AGBL1: variants seen among roughly 807,000 people sequenced by gnomAD.
AGBL1 encodes AGBL carboxypeptidase 1.
Under a neutral mutation model 118.9 loss-of-function variants are expected in AGBL1, and 130 were observed. That is an observed-to-expected ratio of 1.09 (90% CI 0.95 to 1.26). The LOEUF is 1.26. Among genes scored for constraint, AGBL1 ranks in the 50% most tolerant of loss-of-function variants. AGBL1 has a pLI of 0.00. For synonymous variants in AGBL1, 555 were observed against 478.9 expected (o/e 1.16, Z -2.08); for missense variants, 1,584 against 1,298.1 (o/e 1.22, Z -3.38).
intron 19 of AGBL1, among the ~76,000 whole-genome samples, chr15:86,527,200 CAG>C (rs927314818): frequency 6.6e-6 from 1 of 152,134 alleles, no homozygotes; most frequent in Non-Finnish European, 1.5e-5. Context: ...AGAGGAGAGA[CAG>C]AGAGTGGGAC....
chr15:86,834,403 A>G (rs1239527936), intron 22 of AGBL1, among the ~76,000 whole-genome samples: 1 of 152,158 alleles, frequency 6.6e-6, no homozygotes, highest in Non-Finnish European at 1.5e-5. Context: ...CAGGGAATTT[A>G]ACCTGTTTCA....
chr15:86,437,791 G>A (rs952663809), intron 18 of AGBL1, among the ~76,000 whole-genome samples: 2 of 152,040 alleles, frequency 1.3e-5, no homozygotes, highest in Admixed American at 1.3e-4. Flanking sequence ...GGCGTGTAGA[G>A]TGGATGAGCT....
chr15:86,264,270 A>T lies in AGBL1; in HGVS notation c.1099A>T (p.Lys367Ter). 1 of 1,596,850 alleles carries T rather than the reference A, an allele frequency of 6.3e-7. No individual in the cohort carries two copies. The highest frequency in any genetic ancestry group is 8.5e-7 in the Non-Finnish European group (1 of 1,171,774). ...TTTGAACCTGAAGGAACTGCAGTCCAAACTTGGAGATGATTTGAACTCTGA... is the reference window on the plus strand; with the variant it reads ...TTTGAACCTGAAGGAACTGCAGTCCTAACTTGGAGATGATTTGAACTCTGA... ...LSYSFEELQSKLGDDLNSEKT... is the reference protein window; with the variant it reads ...LSYSFEELQS The change falls in exon 11 of 23, where the codon AAA becomes TAA. Residue 367 changes from lysine to a stop codon, truncating the protein, a stop_gained. Coordinates refer to ENST00000614907, the MANE Select transcript of AGBL1 (RefSeq NM_001386094.1). LOFTEE classifies it high-confidence loss of function.
chr15:86,291,991 C>T (rs894860473), intron 16 of AGBL1, among the ~76,000 whole-genome samples: 2 of 152,168 alleles, frequency 1.3e-5, no homozygotes, highest in Non-Finnish European at 2.9e-5. Flanking sequence ...AGTGTTGTGT[C>T]AAATCCTGGC....
At chr15:86,886,912 CT>C (rs1462819757) in intron 22 of AGBL1, among the ~76,000 whole-genome samples, 1 of 152,084 alleles carries the variant, frequency 6.6e-6, no homozygotes, top group Non-Finnish European at 1.5e-5. Flanking sequence ...TTGGAAGCTC[CT>C]TTCTCTCGCC....
At chr15:86,475,764 C>A (rs1018585243) in intron 18 of AGBL1, among the ~76,000 whole-genome samples, 2 of 152,124 alleles carry the variant, frequency 1.3e-5, no homozygotes, top group Non-Finnish European at 2.9e-5. Flanking sequence ...CTTCAAGACA[C>A]ATAATTGTCA....
chr15:86,905,218 G>T (rs780569088), intron 22 of AGBL1, among the ~76,000 whole-genome samples: 1 of 152,126 alleles, frequency 6.6e-6, no homozygotes, highest in African/African-American at 2.4e-5. Flanking sequence ...CTTGATGCGC[G>T]GGAGAACTGC....
chr15:86,158,895 A>G (rs766442635), intron 4 of AGBL1, 38 bp from the exon 5 acceptor site: 1 of 1,586,432 alleles, frequency 6.3e-7, no homozygotes, highest in Non-Finnish European at 8.7e-7. Flanking sequence ...TAACTCATCC[A>G]CTTGTGACCA....
intron 22 of AGBL1, among the ~76,000 whole-genome samples, chr15:86,874,976 G>A (rs148725235): frequency 1.8e-3 from 272 of 151,852 alleles, no homozygotes; most frequent in African/African-American, 6.3e-3. Flanking sequence ...GTGCCCTTAG[G>A]GACCTGACAA....
rs145137996 is a variant in AGBL1 at position 86,762,183 on chromosome 15, A to G, written c.3158+87747A>G. On this transcript the variant is annotated intron_variant, in intron 22 of 22. Transcript: ENST00000614907. ...AGCTGAACAATGAGAACACATAGAC[A>G]CAAGGAGGGGAACATCACACAGTGG... Among the ~76,000 whole-genome samples the G allele has an allele frequency of 8.3e-4, 126 of 152,158 alleles. 3 individuals are homozygous for G. In the East Asian group the frequency reaches 0.016, roughly 20 times the overall value.
At position 86,687,278 on chromosome 15, in the gene AGBL1, T is replaced by A. The variant is rs539729461; in HGVS notation, c.3158+12842T>A. On this transcript the variant is annotated intron_variant, in intron 22 of 22. Coordinates refer to ENST00000614907, the MANE Select transcript of AGBL1 (RefSeq NM_001386094.1). ...AAGACACTCTTGTCAGGCACCTCTG[T>A]CTGCAAAGTCGGCTGGAGAACTTCT... 2.2e-3 allele frequency among the ~76,000 whole-genome samples: 333 copies of A among 152,242 alleles called. 1 individual carries two copies. The highest frequency in any genetic ancestry group is 5.4e-3 in the African/African-American group (224 of 41,574).
intron 1 of AGBL1, among the ~76,000 whole-genome samples, chr15:86,104,863 C>A (rs979674701): frequency 6.6e-6 from 1 of 152,084 alleles, no homozygotes; most frequent in Non-Finnish European, 1.5e-5. Context: ...TAGGTAGCTA[C>A]CTATGTTAGT....
chr15:86,988,922 G>A (rs1237864298), intron 24 of AGBL1, among the ~76,000 whole-genome samples: 1 of 150,494 alleles, frequency 6.6e-6, no homozygotes, highest in Admixed American at 6.6e-5. Context: ...TGAATGGCTA[G>A]GACTTTGAAT....
rs1253292648 is a variant in AGBL1, at chr15:86,258,040, A to C, written c.969+9A>C. On this transcript the variant is annotated intron_variant, in intron 9 of 22. Coordinates refer to ENST00000614907, the MANE Select transcript of AGBL1 (RefSeq NM_001386094.1). ...AAGATGGGAAAGTGGAAGTAGGTAC[A>C]CCAGCCCATGCTTCTAATGATGTCC... 6.2e-7 allele frequency: 1 copy of C among 1,612,826 alleles called. No individual in the cohort carries two copies. Among genetic ancestry groups the C allele is most frequent in the East Asian group, 2.2e-5 (1 of 44,834 alleles).
At chr15:86,490,787 A>G (rs2082768106) in intron 18 of AGBL1, among the ~76,000 whole-genome samples, 2 of 151,808 alleles carry the variant, frequency 1.3e-5, no homozygotes. Context: ...CTGCTGTATT[A>G]AAACAACATA....
At position 86,132,830 on chromosome 15, in the gene AGBL1, C is replaced by T. The variant is rs552712337; in HGVS notation, c.52-9174C>T. Among the ~76,000 whole-genome samples the T allele has an allele frequency of 1.8e-4, 27 of 152,232 alleles. No homozygotes were observed. In the South Asian group the frequency reaches 5.6e-3, roughly 32 times the overall value. ...GAGATGTTTTGTTTATTTTTTTTCT[C>T]TCTCCTTAAGAGTATTCTGCTAAAT... On this transcript the variant is annotated intron_variant, in intron 1 of 22. Transcript: ENST00000614907.
At chr15:86,364,390 G>A (rs2080848652) in intron 17 of AGBL1, among the ~76,000 whole-genome samples, 1 of 152,188 alleles carries the variant, frequency 6.6e-6, no homozygotes, top group Admixed American at 6.5e-5. Flanking sequence ...TATAGTCAGA[G>A]AGTTAGTAAG....
At chr15:86,352,998 G>T (rs7495793) in intron 17 of AGBL1, among the ~76,000 whole-genome samples, 1 of 152,076 alleles carries the variant, frequency 6.6e-6, no homozygotes, top group African/African-American at 2.4e-5. Flanking sequence ...GATATGAAAT[G>T]ATATTAAAAA....
intron 20 of AGBL1, among the ~76,000 whole-genome samples, chr15:86,548,048 A>C (rs2083610020): frequency 6.6e-6 from 1 of 152,196 alleles, no homozygotes; most frequent in South Asian, 2.1e-4. Context: ...TCTGCCTAAA[A>C]AGACTTTTGT....
Sources: allele counts gnomAD v4.1 joint callset (sites outside exome capture counted in the v4.1 genomes callset), GRCh38; gene constraint gnomAD v4.1.1; transcripts MANE v1.5; gene names NCBI Gene and HGNC (gene_info 2026-07-23, HGNC 2026-07-21).